Variants in DOCK2 observed in about 807,000 individuals in gnomAD.
DOCK2 encodes the protein dedicator of cytokinesis 2, also known as dedicator of cytokinesis protein 2.
DOCK2 carries 87 observed loss-of-function variants against 248.9 expected under a neutral mutation model. The observed-to-expected ratio is 0.35, with a 90% CI of 0.29 to 0.42. The LOEUF (loss-of-function observed/expected upper bound fraction) is 0.42. Among genes scored for constraint, DOCK2 ranks in the 10% least tolerant of loss-of-function variants. The pLI is 1.00. For missense variants in DOCK2, 1,747 were observed against 2,300.2 expected (o/e 0.76, Z 4.92); for synonymous variants, 805 against 821.6 (o/e 0.98, Z 0.35).
chr5:169,684,459 T>A, intron 8 of DOCK2, 109 bp downstream of exon 8: 6 of 1,364,994 alleles, frequency 4.4e-6, no homozygotes, highest in Non-Finnish European at 5.9e-6. Context: ...GAAAAGAGAC[T>A]GCACCTGAGT....
chr5:169,885,342 A>G (rs1056389509), intron 27 of DOCK2, among the ~76,000 whole-genome samples: 7 of 152,214 alleles, frequency 4.6e-5, no homozygotes, highest in Admixed American at 3.9e-4. Context: ...TAGGTGCTTA[A>G]GCAGAATTTG....
At chr5:169,710,599 A>G (rs1402217847) in intron 15 of DOCK2, among the ~76,000 whole-genome samples, 1 of 152,240 alleles carries the variant, frequency 6.6e-6, no homozygotes, top group Non-Finnish European at 1.5e-5. Context: ...GCTTGATCAT[A>G]GCTTCAGATA....
chr5:169,784,873 T>G (rs1765900982), intron 25 of DOCK2, among the ~76,000 whole-genome samples: 1 of 152,210 alleles, frequency 6.6e-6, no homozygotes, highest in Admixed American at 6.5e-5. Context: ...TAAACAATAG[T>G]GCAGGTGGAA....
intron 21 of DOCK2, among the ~76,000 whole-genome samples, chr5:169,718,358 G>C (rs1181144967): frequency 1.3e-5 from 2 of 152,000 alleles, no homozygotes; most frequent in Non-Finnish European, 2.9e-5. Context: ...AGACATTATT[G>C]CCACCATTAT....
At chr5:170,041,694 G>A (rs7356737) in intron 37 of DOCK2, among the ~76,000 whole-genome samples, 5,000 of 152,254 alleles carry the variant, frequency 0.033, 257 homozygotes, top group African/African-American at 0.11. Flanking sequence ...CAGAGGGGAG[G>A]GTGTTTGCAG....
intron 8 of DOCK2, among the ~76,000 whole-genome samples, chr5:169,687,291 T>A (rs546992182): frequency 6.6e-6 from 1 of 152,320 alleles, no homozygotes; most frequent in East Asian, 1.9e-4. Context: ...TTTTTAGATC[T>A]TACTGAAAAA....
At position 169,701,328 on chromosome 5, in the gene DOCK2, T is replaced by G. The variant is rs114929586; in HGVS notation, c.1259-975T>G. On this transcript the variant is annotated intron_variant, in intron 13 of 51. Transcript: ENST00000520908. ...GTAATACTCTTTTGAAACTTCTCTTTGTGTCTTAAACCTGTGTCTTGGACT... is the reference window on the plus strand; with the variant it reads ...GTAATACTCTTTTGAAACTTCTCTTGGTGTCTTAAACCTGTGTCTTGGACT... Among the ~76,000 whole-genome samples, 828 of 152,356 alleles carry G rather than the reference T, an allele frequency of 5.4e-3. 10 individuals carry two copies. The highest frequency in any genetic ancestry group is 0.018 in the African/African-American group (754 of 41,584).
intron 22 of DOCK2, among the ~76,000 whole-genome samples, chr5:169,724,771 T>A (rs1343873856): frequency 1.3e-5 from 2 of 151,968 alleles, no homozygotes. Flanking sequence ...TTTTTCTTAT[T>A]TGCCTATTTA....
At chr5:170,040,117 T>C (rs1179194043) in intron 36 of DOCK2, among the ~76,000 whole-genome samples, 3 of 152,238 alleles carry the variant, frequency 2.0e-5, no homozygotes, top group African/African-American at 7.2e-5. Flanking sequence ...CAAGCTGTCA[T>C]GTATTGAGCC....
At position 169,917,111 on chromosome 5, in the gene DOCK2, C is replaced by A. The variant is rs1774917534; in HGVS notation, c.2800-65957C>A. ...TTGACGTATGATCAAGCCACCAAATCTCAGCATTTCTTTGGACAAAAGACA... is the reference window on the plus strand; with the variant it reads ...TTGACGTATGATCAAGCCACCAAATATCAGCATTTCTTTGGACAAAAGACA... On this transcript the variant is annotated intron_variant, in intron 27 of 51. Transcript: ENST00000520908. 2.0e-5 allele frequency among the ~76,000 whole-genome samples: 3 copies of A among 152,316 alleles called. No homozygotes were observed. The South Asian group carries it at 6.2e-4, about 32-fold the overall frequency.
chr5:170,069,302 A>T, intron 46 of DOCK2, 82 bp downstream of exon 46: 2 of 1,424,728 alleles, frequency 1.4e-6, no homozygotes, highest in Non-Finnish European at 1.9e-6. Context: ...GCTAGGCTCT[A>T]GCTGAGGCAG....
intron 26 of DOCK2, among the ~76,000 whole-genome samples, chr5:169,837,045 G>T (rs1244050933): frequency 6.6e-6 from 1 of 152,110 alleles, no homozygotes; most frequent in African/African-American, 2.4e-5. Context: ...GGCTCCCTTA[G>T]CCCCGACCCT....
At chr5:169,715,485 C>T (rs557797430) in intron 19 of DOCK2, among the ~76,000 whole-genome samples, 3 of 152,266 alleles carry the variant, frequency 2.0e-5, no homozygotes, top group South Asian at 2.1e-4. Flanking sequence ...TCAGCAATGG[C>T]AGAGTAACTC....
chr5:169,733,153 C>CT (rs1205264475), intron 22 of DOCK2, among the ~76,000 whole-genome samples: 15 of 151,960 alleles, frequency 9.9e-5, no homozygotes, highest in Non-Finnish European at 1.0e-4. Context: ...TTCTCCCTTT[C>CT]TTTTTTTGGG....
intron 26 of DOCK2, among the ~76,000 whole-genome samples, chr5:169,832,287 G>A (rs1292641872): frequency 6.6e-6 from 1 of 152,154 alleles, no homozygotes; most frequent in Admixed American, 6.5e-5. Flanking sequence ...CCTTTTTATT[G>A]CATCCTTCTG....
intron 27 of DOCK2, among the ~76,000 whole-genome samples, chr5:169,919,088 A>G (rs543449119): frequency 6.6e-6 from 1 of 152,314 alleles, no homozygotes; most frequent in South Asian, 2.1e-4. Flanking sequence ...GCCTTTTCCT[A>G]AGGACACTAT....
intron 26 of DOCK2, among the ~76,000 whole-genome samples, chr5:169,833,483 AAAAC>A (rs1769363378): frequency 6.6e-6 from 1 of 152,170 alleles, no homozygotes; most frequent in Non-Finnish European, 1.5e-5. Context: ...CATCCAATCT[AAAAC>A]AAAGTTTCCG....
At chr5:169,693,252 G>A (rs1407758743) in intron 9 of DOCK2, among the ~76,000 whole-genome samples, 1 of 152,156 alleles carries the variant, frequency 6.6e-6, no homozygotes, top group Non-Finnish European at 1.5e-5. Flanking sequence ...GGGGAAGTGT[G>A]GGAGCAGGGT....
intron 27 of DOCK2, among the ~76,000 whole-genome samples, chr5:169,854,760 T>A (rs1770801890): frequency 6.6e-6 from 1 of 152,224 alleles, no homozygotes; most frequent in African/African-American, 2.4e-5. Context: ...TCTCAGGCAA[T>A]TTGAGAAGCC....
Sources: gnomAD v4.1 joint callset for allele counts (sites outside exome capture counted in the v4.1 genomes callset) on GRCh38, gnomAD v4.1.1 for gene constraint, MANE v1.5 for transcripts, NCBI Gene and HGNC (gene_info 2026-07-23, HGNC 2026-07-21) for gene names.